Variants in PDE1A observed in about 807,000 individuals in gnomAD.
PDE1A encodes the protein dual specificity calcium/calmodulin-dependent 3',5'-cyclic nucleotide phosphodiesterase 1A.
Under a neutral mutation model 61.7 loss-of-function variants are expected in PDE1A, and 35 were observed. That is an observed-to-expected ratio of 0.57 (90% CI 0.43 to 0.75). PDE1A has a LOEUF of 0.75. PDE1A is among the 30% of genes least tolerant of loss of function. PDE1A has a pLI of 0.00. For synonymous variants in PDE1A, 232 were observed against 213.2 expected, an observed-to-expected ratio of 1.09 and a Z score of -0.77; for missense variants, 597 against 630.6, an observed-to-expected ratio of 0.95 and a Z score of 0.57.
intron 1 of PDE1A, among the ~76,000 whole-genome samples, chr2:182,305,376 A>C (rs1695512860): frequency 6.6e-6 from 1 of 151,978 alleles, no homozygotes; most frequent in African/African-American, 2.4e-5. Flanking sequence ...GCATACTTTC[A>C]GCTTTACCCT....
chr2:182,565,657 A>G, the PDE1A span, among the ~76,000 whole-genome samples: 1 of 152,108 alleles, frequency 6.6e-6, no homozygotes, highest in Non-Finnish European at 1.5e-5. Flanking sequence ...AACACAATTT[A>G]TAAGGGAGAC....
At chr2:182,673,315 CA>C in the PDE1A span, among the ~76,000 whole-genome samples, 1 of 152,086 alleles carries the variant, frequency 6.6e-6, no homozygotes, top group Non-Finnish European at 1.5e-5. Context: ...TAAAATTAAT[CA>C]AAATAAATGT....
intron 2 of PDE1A, among the ~76,000 whole-genome samples, chr2:182,432,339 T>C (rs1392427342): frequency 6.6e-6 from 1 of 152,150 alleles, no homozygotes; most frequent in Admixed American, 6.6e-5. Context: ...ATACTTTTCA[T>C]CCCCATTGTT....
the PDE1A span, among the ~76,000 whole-genome samples, chr2:182,612,538 A>G: frequency 2.0e-5 from 3 of 151,254 alleles, no homozygotes; most frequent in African/African-American, 7.4e-5. Flanking sequence ...TGAAAACAGG[A>G]AAAAAAATGA....
At chr2:182,598,359 G>A in the PDE1A span, among the ~76,000 whole-genome samples, 1 of 152,042 alleles carries the variant, frequency 6.6e-6, no homozygotes, top group Non-Finnish European at 1.5e-5. Flanking sequence ...ATCACCTAAG[G>A]CCAGGAGTTC....
chr2:182,481,153 C>T (rs1258546219), intron 2 of PDE1A, among the ~76,000 whole-genome samples: 1 of 151,732 alleles, frequency 6.6e-6, no homozygotes, highest in African/African-American at 2.4e-5. Flanking sequence ...CAAAAGCAAT[C>T]GAAAAGTTTT....
chr2:182,639,002 T>C, the PDE1A span, among the ~76,000 whole-genome samples: 527 of 152,298 alleles, frequency 3.5e-3, 1 homozygote, highest in African/African-American at 0.011. Flanking sequence ...GAAATCTAAC[T>C]CATGACATTT....
At chr2:182,425,458 T>C (rs1041962070) in intron 1 of PDE1A, among the ~76,000 whole-genome samples, 2 of 152,186 alleles carry the variant, frequency 1.3e-5, no homozygotes, top group Non-Finnish European at 2.9e-5. Flanking sequence ...GGGATAGTAA[T>C]ATTAAATCCA....
intron 1 of PDE1A, among the ~76,000 whole-genome samples, chr2:182,308,651 C>A (rs1695757258): frequency 1.3e-5 from 2 of 151,912 alleles, no homozygotes; most frequent in Non-Finnish European, 2.9e-5. Flanking sequence ...AAACTTTAAA[C>A]AACAATGATG....
At chr2:182,240,412 A>G in intron 2 of PDE1A, 120 bp from the exon 3 acceptor site, 2 of 569,368 alleles carry the variant, frequency 3.5e-6, no homozygotes, top group Admixed American at 3.8e-5. Context: ...TTATTCCTTA[A>G]TATGTACTCT....
At chr2:182,702,356 G>A in the PDE1A span, among the ~76,000 whole-genome samples, 1 of 152,098 alleles carries the variant, frequency 6.6e-6, no homozygotes, top group Non-Finnish European at 1.5e-5. Flanking sequence ...ACCCACCTCG[G>A]CCTCCCAAAG....
chr2:182,432,630 TA>T (rs1198219965), intron 2 of PDE1A, among the ~76,000 whole-genome samples: 1 of 152,132 alleles, frequency 6.6e-6, no homozygotes, highest in Non-Finnish European at 1.5e-5. Flanking sequence ...ATCATCTTTT[TA>T]TATAAATACA....
chr2:182,489,716 C>T (rs1473800259), intron 2 of PDE1A, among the ~76,000 whole-genome samples: 2 of 152,060 alleles, frequency 1.3e-5, no homozygotes, highest in Non-Finnish European at 2.9e-5. Flanking sequence ...AGGAAATCTA[C>T]AGGAAGAGAC....
the PDE1A span, among the ~76,000 whole-genome samples, chr2:182,606,020 C>T: frequency 1.6e-4 from 24 of 152,174 alleles, no homozygotes; most frequent in African/African-American, 5.8e-4. Flanking sequence ...GGATATCATG[C>T]CATTACTGTT....
At chr2:182,205,169 T>C (rs1225903238) in intron 8 of PDE1A, among the ~76,000 whole-genome samples, 1 of 152,170 alleles carries the variant, frequency 6.6e-6, no homozygotes, top group African/African-American at 2.4e-5. Flanking sequence ...TAAAGATAAA[T>C]ACAGGCCTTT....
At chr2:182,159,527 G>A (rs181173200) in intron 13 of PDE1A, among the ~76,000 whole-genome samples, 1 of 152,320 alleles carries the variant, frequency 6.6e-6, no homozygotes, top group Admixed American at 6.5e-5. Flanking sequence ...CAGCGCCATT[G>A]CATGTTTTGT....
At chr2:182,388,020 A>G (rs1701216738) in intron 1 of PDE1A, among the ~76,000 whole-genome samples, 1 of 152,188 alleles carries the variant, frequency 6.6e-6, no homozygotes, top group Non-Finnish European at 1.5e-5. Flanking sequence ...ACCAAAAAAG[A>G]GCAGGAGTAA....
chr2:182,711,847 A>G, the PDE1A span, among the ~76,000 whole-genome samples: 1 of 152,250 alleles, frequency 6.6e-6, no homozygotes, highest in South Asian at 2.1e-4. Flanking sequence ...AAAATCCATG[A>G]ATGCATAATA....
intron 2 of PDE1A, among the ~76,000 whole-genome samples, chr2:182,520,358 C>T (rs1017891712): frequency 1.3e-5 from 2 of 151,842 alleles, no homozygotes; most frequent in Non-Finnish European, 3.0e-5. Context: ...AATGAAAAAG[C>T]AGTCATTTTA....
Sources: allele counts gnomAD v4.1 joint callset (sites outside exome capture counted in the v4.1 genomes callset), GRCh38; gene constraint gnomAD v4.1.1; transcripts MANE v1.5; gene names NCBI Gene and HGNC (gene_info 2026-07-23, HGNC 2026-07-21).